The following LVRN variants were observed in gnomAD, a reference collection of about 807,000 sequenced individuals.
LVRN encodes the protein aminopeptidase Q.
LVRN carries 99 observed loss-of-function variants against 111.4 expected under a neutral mutation model. The observed-to-expected ratio is 0.89, with a 90% CI of 0.76 to 1.05. The LOEUF is 1.05. LVRN is among the 50% of genes least tolerant of loss of function. The pLI, the probability that LVRN is intolerant of heterozygous loss-of-function variation, is 0.00. For missense variants in LVRN, 1,414 were observed against 1,206.8 expected, an observed-to-expected ratio of 1.17 and a Z score of -2.54; for synonymous variants, 488 against 449.5, an observed-to-expected ratio of 1.09 and a Z score of -1.08.
chr5:115,987,828 C>T lies in LVRN; in HGVS notation c.994C>T (p.Arg332Trp), dbSNP rs778819022. The T allele has an allele frequency of 9.3e-6, 15 of 1,612,184 alleles. No individual in the cohort carries two copies. The highest frequency in any genetic ancestry group is 6.7e-5 in the African/African-American group (5 of 74,688). The change falls in exon 4 of 20, where the codon CGG (arginine) becomes TGG (tryptophan). Residue 332 changes from arginine (R) to tryptophan (W), a missense_variant. Arg to Trp is a moderately radical substitution (Grantham distance 101). Transcript: ENST00000357872. ...ERGKEIRIWA[R>W]KDAIANGSAD... Reference sequence around the variant, plus strand: ...TTTGATTTAGATACGCATCTGGGCCCGGAAAGATGCAATTGCAAATGGAAG... The same window carrying T: ...TTTGATTTAGATACGCATCTGGGCCTGGAAAGATGCAATTGCAAATGGAAG...
intron 6 of LVRN, among the ~76,000 whole-genome samples, chr5:115,999,561 C>T (rs528808516): frequency 6.6e-6 from 1 of 152,214 alleles, no homozygotes; most frequent in Admixed American, 6.5e-5. Context: ...AAAAAGGATA[C>T]AAATGGGAAG....
chr5:116,009,515 T>G (rs1272014473), intron 13 of LVRN, among the ~76,000 whole-genome samples: 1 of 152,130 alleles, frequency 6.6e-6, no homozygotes, highest in Non-Finnish European at 1.5e-5. Context: ...AAATTGAAAA[T>G]CTTCTGGTAG....
At position 116,001,172 on chromosome 5, in the gene LVRN, A is replaced by T. The variant is rs774085093; in HGVS notation, c.1753A>T (p.Thr585Ser). The T allele has an allele frequency of 6.8e-6, 11 of 1,613,952 alleles. No homozygotes were observed. The East Asian group carries it at 2.5e-4, about 36-fold the overall frequency. Residue 585 changes from threonine (T) to serine (S), a missense_variant, in exon 10 of 20, where the codon ACT becomes TCT. Physicochemically the swap from Thr to Ser is moderately conservative, Grantham distance 58. Transcript: ENST00000357872. ...TCCAGTGATCACTTTAAATGTGTCT[A>T]CTGGCGTCATGAAACAGGAGCCATT... ...GFPVITLNVS[T>S]GVMKQEPFYL...
chr5:115,966,964 G>A (rs575569923), intron 1 of LVRN, among the ~76,000 whole-genome samples: 5 of 152,090 alleles, frequency 3.3e-5, no homozygotes, highest in Non-Finnish European at 7.4e-5. Context: ...GTCTCTTCAC[G>A]TCTTTTCTTA....
At chr5:115,969,906 T>C (rs1433681417) in intron 1 of LVRN, among the ~76,000 whole-genome samples, 3 of 152,094 alleles carry the variant, frequency 2.0e-5, no homozygotes, top group Non-Finnish European at 4.4e-5. Context: ...TCCTTGAGCA[T>C]ATTAGACATA....
In LVRN at chr5:116,016,460, T is replaced by A. The variant is rs180938790; in HGVS notation, c.2756+695T>A. Among the ~76,000 whole-genome samples the A allele has an allele frequency of 2.5e-3, 374 of 152,334 alleles. 3 individuals are homozygous for A. The highest frequency in any genetic ancestry group is 8.6e-3 in the African/African-American group (356 of 41,574). ...TTATATTAATGGTGTGGAAAGTATT[T>A]ATACTGAATTTGCTAAAATGTGACT... On this transcript the variant is annotated intron_variant, in intron 18 of 19. Transcript: ENST00000357872.
chr5:115,968,705 G>A (rs1753256112), intron 1 of LVRN, among the ~76,000 whole-genome samples: 2 of 152,162 alleles, frequency 1.3e-5, no homozygotes, highest in South Asian at 2.1e-4. Context: ...AATGGAGAAA[G>A]CCAGAGTCTT....
At position 115,983,363 on chromosome 5, in the gene LVRN, G is replaced by A. The variant is rs756610495; in HGVS notation, c.772G>A (p.Ala258Thr). The A allele has an allele frequency of 4.3e-6, 7 of 1,611,608 alleles. No homozygotes were observed. The highest frequency in any genetic ancestry group is 3.3e-5 in the South Asian group (3 of 90,572). Reference sequence around the variant, plus strand: ...TTGTTTTGATGAGCCAGCTCTGAAGGCAACTTTTAATATTACAATGATTCA... The same window carrying A: ...TTGTTTTGATGAGCCAGCTCTGAAGACAACTTTTAATATTACAATGATTCA... ...FPCFDEPALK[A>T]TFNITMIHHP... is the part of the protein sequence containing the mutation. Residue 258 changes from alanine to threonine, a missense_variant, in exon 2 of 20, where the codon GCA becomes ACA. Coordinates refer to ENST00000357872, the MANE Select transcript of LVRN (RefSeq NM_173800.5).
chr5:115,980,895 A>G (rs113572223), intron 1 of LVRN, among the ~76,000 whole-genome samples: 3,362 of 152,182 alleles, frequency 0.022, 132 homozygotes, highest in African/African-American at 0.076. Context: ...TAGATGACTC[A>G]TGGGCTCTTT....
At chr5:115,983,007 A>C (rs1230698112) in intron 1 of LVRN, among the ~76,000 whole-genome samples, 1 of 152,176 alleles carries the variant, frequency 6.6e-6, no homozygotes, top group Non-Finnish European at 1.5e-5. Context: ...ATTTGTTTCT[A>C]TTCTGTTTGT....
At chr5:115,980,912 C>T (rs1020961659) in intron 1 of LVRN, among the ~76,000 whole-genome samples, 2 of 152,100 alleles carry the variant, frequency 1.3e-5, no homozygotes, top group African/African-American at 4.8e-5. Flanking sequence ...CTTTTTCCAT[C>T]CTGCTGGATA....
At chr5:115,974,735 A>C (rs985908410) in intron 1 of LVRN, 4 of 214,916 alleles carry the variant, frequency 1.9e-5, no homozygotes, top group African/African-American at 9.3e-5. Flanking sequence ...TTCAGTGTAC[A>C]TATTTTTCAG....
At chr5:116,019,977 C>T (rs1469659731) in intron 18 of LVRN, 3 of 152,320 alleles carry the variant, frequency 2.0e-5, no homozygotes, top group African/African-American at 7.2e-5. Context: ...CACCAAGGCA[C>T]ATGTTGGAGT....
At chr5:115,969,693 A>G (rs1753280837) in intron 1 of LVRN, among the ~76,000 whole-genome samples, 1 of 151,246 alleles carries the variant, frequency 6.6e-6, no homozygotes, top group African/African-American at 2.4e-5. Context: ...CCAGCTACTC[A>G]TGAGGCTGAG....
chr5:116,024,447 A>G (rs150198015), intron 19 of LVRN, among the ~76,000 whole-genome samples: 130 of 152,312 alleles, frequency 8.5e-4, no homozygotes, highest in African/African-American at 3.0e-3. Flanking sequence ...GAGAACTGCT[A>G]ATTCCCGAAG....
In LVRN at chr5:115,992,155, G is replaced by A; in HGVS notation, c.1138G>A (p.Ala380Thr). 6.2e-7 allele frequency: 1 copy of A among 1,613,554 alleles called. No individual in the cohort carries two copies. The highest frequency in any genetic ancestry group is 8.5e-7 in the Non-Finnish European group (1 of 1,179,750). The change falls in exon 5 of 20, where the codon GCA becomes ACA. Residue 380 changes from alanine to threonine, a missense_variant. Coordinates refer to ENST00000357872, the MANE Select transcript of LVRN (RefSeq NM_173800.5). ...IIALPSFDNHAMENWGLMIFD... is the reference protein window; with the variant it reads ...IIALPSFDNHTMENWGLMIFD... ...TGCCTTGCCTAGTTTTGACAACCAT[G>A]CAATGGAAAACTGGGGACTAATGAT...
intron 3 of LVRN, among the ~76,000 whole-genome samples, chr5:115,985,145 C>T (rs1051940367): frequency 1.2e-4 from 18 of 152,140 alleles, no homozygotes; most frequent in Non-Finnish European, 2.1e-4. Context: ...CGAGTCAAAA[C>T]GGACACCAGC....
Position 115,962,525 on chromosome 5 carries a change from G to A in LVRN, c.-93G>A, listed in dbSNP as rs1214778366. 1 of 1,137,910 alleles carries A rather than the reference G, an allele frequency of 8.8e-7. No homozygotes were observed. Among genetic ancestry groups the A allele is most frequent in the Non-Finnish European group, 1.3e-6 (1 of 787,090 alleles). The allele number at this position is 1,137,910 out of a possible 1,614,324, so 70.5% of individuals were successfully genotyped here. ...AAGAGGCACGATACAAGAGAGGAGG[G>A]GCAGGGGTCGCAGCACTGAACACCC... is the stretch of plus-strand genomic sequence containing the variant. On this transcript the variant is annotated 5_prime_UTR_variant, in exon 1 of 20. Coordinates refer to ENST00000357872, the MANE Select transcript of LVRN (RefSeq NM_173800.5).
At chr5:115,964,971 T>C (rs1286499833) in intron 1 of LVRN, among the ~76,000 whole-genome samples, 1 of 152,190 alleles carries the variant, frequency 6.6e-6, no homozygotes, top group Non-Finnish European at 1.5e-5. Context: ...GAAGGATGGC[T>C]TGTGGTACGC....
Sources: allele counts gnomAD v4.1 joint callset (sites outside exome capture counted in the v4.1 genomes callset), GRCh38; gene constraint gnomAD v4.1.1; transcripts MANE v1.5; gene names NCBI Gene and HGNC (gene_info 2026-07-23, HGNC 2026-07-21).